Variants in EFCAB6 observed in about 807,000 individuals in gnomAD.
The protein encoded by EFCAB6 is EF-hand calcium binding domain 6.
A neutral mutation model predicts 169.8 loss-of-function variants in EFCAB6; 156 were observed. That is an observed-to-expected ratio of 0.92 (90% CI 0.81 to 1.05). The LOEUF is 1.05. Ranked by LOEUF, EFCAB6 falls within the 50% of genes least tolerant of loss-of-function variation. The pLI, the probability that EFCAB6 is intolerant of heterozygous loss-of-function variation, is 0.00. For synonymous variants in EFCAB6, 698 were observed against 676.4 expected (o/e 1.03, Z -0.50); for missense variants, 1,800 against 1,829.1 (o/e 0.98, Z 0.29).
At chr22:43,778,890 C>CTT (rs148960002) in intron 3 of EFCAB6, among the ~76,000 whole-genome samples, 10 of 147,882 alleles carry the variant, frequency 6.8e-5, no homozygotes, top group Non-Finnish European at 1.5e-4. Context: ...TCTGGCATTA[C>CTT]TTTTTTTTTT....
chr22:43,581,669 G>A (rs749047352), intron 24 of EFCAB6, among the ~76,000 whole-genome samples: 1 of 152,192 alleles, frequency 6.6e-6, no homozygotes. Flanking sequence ...AAGTGTCAAC[G>A]TAGAAGAGCT....
At chr22:43,759,288 G>A (rs562367054) in intron 5 of EFCAB6, 1 of 152,336 alleles carries the variant, frequency 6.6e-6, no homozygotes, top group East Asian at 1.9e-4. Context: ...AATAGATTTA[G>A]CTTCAACAGA....
chr22:43,657,413 T>C (rs1317129156), intron 17 of EFCAB6, among the ~76,000 whole-genome samples: 2 of 151,412 alleles, frequency 1.3e-5, no homozygotes, highest in African/African-American at 4.8e-5. Context: ...TGGAATCAAC[T>C]TTAAAATCAA....
intron 19 of EFCAB6, among the ~76,000 whole-genome samples, chr22:43,630,510 C>A (rs920442163): frequency 6.6e-6 from 1 of 152,160 alleles, no homozygotes; most frequent in Non-Finnish European, 1.5e-5. Flanking sequence ...CACTGGGAGA[C>A]GCGAGGAGTG....
At chr22:43,543,407 G>C (rs2047861398) in intron 27 of EFCAB6, among the ~76,000 whole-genome samples, 1 of 152,190 alleles carries the variant, frequency 6.6e-6, no homozygotes, top group African/African-American at 2.4e-5. Context: ...CGAGGTGAGA[G>C]AGTGTGTGCA....
intron 10 of EFCAB6, among the ~76,000 whole-genome samples, chr22:43,705,009 C>T (rs1246856638): frequency 6.6e-6 from 1 of 151,978 alleles, no homozygotes; most frequent in African/African-American, 2.4e-5. Flanking sequence ...TAAGGACATA[C>T]ATAGACTGAA....
In EFCAB6 at chr22:43,577,283, G is replaced by A. The variant is rs75817969; in HGVS notation, c.3229-795C>T. On this transcript the variant is annotated intron_variant, in intron 25 of 31. Coordinates refer to ENST00000262726, the MANE Select transcript of EFCAB6 (RefSeq NM_022785.4). ...AAATCTGCATCCAGGGGTAGATTAAGATCTTTTTTAAAGGAAGAATTTAGC... is the reference window on the plus strand; with the variant it reads ...AAATCTGCATCCAGGGGTAGATTAAAATCTTTTTTAAAGGAAGAATTTAGC... Among the ~76,000 whole-genome samples the A allele has an allele frequency of 1.7e-3, 263 of 152,256 alleles. 1 individual carries two copies. Among genetic ancestry groups the A allele is most frequent in the African/African-American group, 5.8e-3 (240 of 41,548 alleles).
At chr22:43,805,999 TACTA>T (rs2062903446) in intron 2 of EFCAB6, among the ~76,000 whole-genome samples, 1 of 152,020 alleles carries the variant, frequency 6.6e-6, no homozygotes, top group African/African-American at 2.4e-5. Flanking sequence ...ATCCTGACTC[TACTA>T]AAAATACAAA....
intron 27 of EFCAB6, chr22:43,540,577 C>T: frequency 6.7e-7 from 1 of 1,489,268 alleles, no homozygotes; most frequent in African/African-American, 1.4e-5. Flanking sequence ...TTATTCATGG[C>T]TTCTGCAGGA....
At chr22:43,603,077 G>T (rs1353297562) in intron 22 of EFCAB6, among the ~76,000 whole-genome samples, 1 of 152,162 alleles carries the variant, frequency 6.6e-6, no homozygotes. Flanking sequence ...AGTGAAGGGA[G>T]TGCATTTCTA....
At chr22:43,582,847 T>C (rs2050818877) in intron 24 of EFCAB6, among the ~76,000 whole-genome samples, 1 of 152,154 alleles carries the variant, frequency 6.6e-6, no homozygotes, top group Non-Finnish European at 1.5e-5. Flanking sequence ...AAAAAAGTGA[T>C]GGTTAAAGAA....
intron 10 of EFCAB6, among the ~76,000 whole-genome samples, 175 bp downstream of exon 10, chr22:43,711,300 C>G (rs1409812224): frequency 1.3e-5 from 2 of 152,124 alleles, no homozygotes; most frequent in Non-Finnish European, 2.9e-5. Context: ...ATTGTTGAAG[C>G]TGGGTAGTGG....
intron 6 of EFCAB6, among the ~76,000 whole-genome samples, chr22:43,748,947 G>A (rs1228565268): frequency 6.6e-6 from 1 of 152,180 alleles, no homozygotes; most frequent in Non-Finnish European, 1.5e-5. Flanking sequence ...GGATAACTCT[G>A]GCTGTTGTGT....
intron 9 of EFCAB6, among the ~76,000 whole-genome samples, chr22:43,713,495 G>A (rs1402464374): frequency 1.3e-5 from 2 of 152,186 alleles, no homozygotes; most frequent in Non-Finnish European, 2.9e-5. Context: ...AGTGTTGGGG[G>A]CACGTGGAAC....
At chr22:43,578,327 T>C (rs1569187859) in intron 25 of EFCAB6, among the ~76,000 whole-genome samples, 1 of 152,016 alleles carries the variant, frequency 6.6e-6, no homozygotes, top group African/African-American at 2.4e-5. Context: ...CCCTCTAGAG[T>C]GTGTGGAGCC....
chr22:43,804,275 A>G (rs1236007879), intron 2 of EFCAB6, among the ~76,000 whole-genome samples: 1 of 152,212 alleles, frequency 6.6e-6, no homozygotes, highest in African/African-American at 2.4e-5. Context: ...CTTGAAATAA[A>G]TGAAATGAAA....
intron 22 of EFCAB6, among the ~76,000 whole-genome samples, chr22:43,605,001 T>A (rs966255227): frequency 1.3e-5 from 2 of 152,170 alleles, no homozygotes; most frequent in African/African-American, 4.8e-5. Flanking sequence ...TTGTTTTAGA[T>A]TCAAAGAGTT....
chr22:43,583,070 G>A (rs2050833881), intron 24 of EFCAB6, among the ~76,000 whole-genome samples: 1 of 151,362 alleles, frequency 6.6e-6, no homozygotes, highest in Non-Finnish European at 1.5e-5. Flanking sequence ...ACTGACCACA[G>A]TTTAGTTAAG....
intron 27 of EFCAB6, among the ~76,000 whole-genome samples, chr22:43,550,954 A>C (rs1357533018): frequency 6.6e-6 from 1 of 152,218 alleles, no homozygotes; most frequent in Non-Finnish European, 1.5e-5. Context: ...AAAGGGTTTC[A>C]AAAGATGTGT....
Sources: allele counts gnomAD v4.1 joint callset (sites outside exome capture counted in the v4.1 genomes callset), GRCh38; gene constraint gnomAD v4.1.1; transcripts MANE v1.5; gene names NCBI Gene and HGNC (gene_info 2026-07-23, HGNC 2026-07-21).